SOX6: variants seen among roughly 807,000 people sequenced by gnomAD.
SOX6 encodes the protein transcription factor SOX-6.
A neutral mutation model predicts 97.8 loss-of-function variants in SOX6; 11 were observed. That is an observed-to-expected ratio of 0.11 (90% CI 0.07 to 0.19). The LOEUF (loss-of-function observed/expected upper bound fraction) is 0.19. SOX6 is among the 10% of genes least tolerant of loss of function. The probability of loss-of-function intolerance (pLI) is 1.00; values close to 1 mark genes in which losing one functional copy is unlikely to be tolerated. For missense variants in SOX6, 810 were observed against 1,039.5 expected, an observed-to-expected ratio of 0.78 and a Z score of 3.04; for synonymous variants, 360 against 371.4, an observed-to-expected ratio of 0.97 and a Z score of 0.35.
At chr11:16,584,256 A>C (rs1314751986) in intron 4 of SOX6, among the ~76,000 whole-genome samples, 1 of 152,176 alleles carries the variant, frequency 6.6e-6, no homozygotes, top group Non-Finnish European at 1.5e-5. Context: ...CACCACAAAA[A>C]AGGGAACTGG....
intron 1 of SOX6, among the ~76,000 whole-genome samples, chr11:16,445,406 G>GC (rs924032728): frequency 1.5e-4 from 23 of 152,024 alleles, no homozygotes; most frequent in African/African-American, 5.1e-4. Context: ...ACTTTAAATT[G>GC]CCCCATGATT....
intron 13 of SOX6, among the ~76,000 whole-genome samples, chr11:16,007,291 A>G (rs1854584483): frequency 6.6e-6 from 1 of 152,128 alleles, no homozygotes; most frequent in Non-Finnish European, 1.5e-5. Flanking sequence ...ATGGCAACAC[A>G]ATGATAAGTA....
intron 3 of SOX6, among the ~76,000 whole-genome samples, chr11:16,635,235 G>C (rs2133998837): frequency 6.6e-6 from 1 of 152,288 alleles, no homozygotes; most frequent in East Asian, 1.9e-4. Flanking sequence ...GAAGAAGATA[G>C]GAAAATGTGA....
chr11:16,586,658 T>C (rs550844205), intron 4 of SOX6, among the ~76,000 whole-genome samples: 1 of 151,960 alleles, frequency 6.6e-6, no homozygotes, highest in African/African-American at 2.4e-5. Flanking sequence ...AGTTCAAGAA[T>C]GCAGTGAGCT....
At chr11:16,232,370 A>G (rs923555703) in intron 4 of SOX6, among the ~76,000 whole-genome samples, 2 of 152,138 alleles carry the variant, frequency 1.3e-5, no homozygotes, top group Non-Finnish European at 2.9e-5. Context: ...GAATAAATAA[A>G]GATAAATTTA....
At chr11:16,125,219 T>A (rs1389466293) in intron 6 of SOX6, among the ~76,000 whole-genome samples, 1 of 152,056 alleles carries the variant, frequency 6.6e-6, no homozygotes, top group Non-Finnish European at 1.5e-5. Context: ...TACTGATACA[T>A]TACTGTGATT....
intron 4 of SOX6, among the ~76,000 whole-genome samples, chr11:16,532,202 C>A (rs1861246054): frequency 6.6e-6 from 1 of 151,774 alleles, no homozygotes; most frequent in Non-Finnish European, 1.5e-5. Flanking sequence ...TATACTTCCT[C>A]TTCAAATTCA....
At chr11:15,989,334 T>G in intron 13 of SOX6, 104 bp from the exon 14 acceptor site, 2 of 857,200 alleles carry the variant, frequency 2.3e-6, no homozygotes, top group Non-Finnish European at 3.5e-6. Context: ...CAGGTCCTCC[T>G]CTTCTTTTCT....
At chr11:16,450,618 G>T (rs1041980101) in intron 1 of SOX6, among the ~76,000 whole-genome samples, 7 of 152,150 alleles carry the variant, frequency 4.6e-5, no homozygotes, top group Non-Finnish European at 8.8e-5. Context: ...TTAACCATCT[G>T]CACAACTCAA....
intron 2 of SOX6, among the ~76,000 whole-genome samples, chr11:16,730,600 T>C (rs941672556): frequency 9.9e-5 from 15 of 152,052 alleles, no homozygotes; most frequent in Non-Finnish European, 7.4e-5. Flanking sequence ...AAAGCAGTGT[T>C]TAGAGGGAAA....
At chr11:16,113,387 T>G (rs1244130592) in intron 6 of SOX6, among the ~76,000 whole-genome samples, 2 of 152,230 alleles carry the variant, frequency 1.3e-5, no homozygotes, top group African/African-American at 2.4e-5. Flanking sequence ...TTCTTCCATT[T>G]TAGCTGAGGT....
intron 15 of SOX6, among the ~76,000 whole-genome samples, chr11:15,977,019 C>T (rs1351724276): frequency 6.6e-6 from 1 of 152,034 alleles, no homozygotes; most frequent in East Asian, 1.9e-4. Context: ...ATTGCCTCGT[C>T]CAACCTACTT....
Position 16,185,022 on chromosome 11 carries a change from C to T in SOX6, c.709-1068G>A, listed in dbSNP as rs1851435236. ...AAGTGAAAATGAGTGTAAATCAGTTCCAAGCTATATACTTCCCAAGCCTTT... is the reference window on the plus strand; with the variant it reads ...AAGTGAAAATGAGTGTAAATCAGTTTCAAGCTATATACTTCCCAAGCCTTT... On this transcript the variant is annotated intron_variant, in intron 5 of 15. Transcript: ENST00000683767. 2.0e-5 allele frequency among the ~76,000 whole-genome samples: 3 copies of T among 152,130 alleles called. No individual in the cohort carries two copies. In the South Asian group the frequency reaches 6.2e-4, roughly 31 times the overall value.
chr11:16,687,845 A>C (rs939371188), intron 3 of SOX6, among the ~76,000 whole-genome samples: 14 of 152,150 alleles, frequency 9.2e-5, no homozygotes, highest in Admixed American at 7.2e-4. Flanking sequence ...ATAGTGCTTT[A>C]AAGTTGTTGT....
At chr11:16,076,910 C>G (rs1465046704) in intron 9 of SOX6, among the ~76,000 whole-genome samples, 2 of 151,346 alleles carry the variant, frequency 1.3e-5, no homozygotes, top group Non-Finnish European at 2.9e-5. Context: ...CCCGCCACCG[C>G]GCCCGGCTAA....
At chr11:16,485,585 G>T (rs1249541342) in intron 4 of SOX6, among the ~76,000 whole-genome samples, 2 of 151,838 alleles carry the variant, frequency 1.3e-5, no homozygotes, top group African/African-American at 4.8e-5. Context: ...CAAAAAATAA[G>T]CTGGGCATGG....
chr11:16,429,089 G>T (rs187394324), intron 1 of SOX6, among the ~76,000 whole-genome samples: 1 of 152,184 alleles, frequency 6.6e-6, no homozygotes, highest in African/African-American at 2.4e-5. Flanking sequence ...CAACGTCACT[G>T]ATCTTTAGAG....
At chr11:16,523,183 T>G (rs1861099937) in intron 4 of SOX6, among the ~76,000 whole-genome samples, 1 of 152,122 alleles carries the variant, frequency 6.6e-6, no homozygotes, top group Admixed American at 6.5e-5. Context: ...TATACATTTT[T>G]TTTCAGCACC....
intron 3 of SOX6, among the ~76,000 whole-genome samples, chr11:16,657,165 C>T (rs896488244): frequency 1.3e-5 from 2 of 152,226 alleles, no homozygotes; most frequent in African/African-American, 4.8e-5. Flanking sequence ...ATTTTACTGT[C>T]TCCATAGTTT....
Sources: allele counts gnomAD v4.1 joint callset (sites outside exome capture counted in the v4.1 genomes callset), GRCh38; gene constraint gnomAD v4.1.1; transcripts MANE v1.5; gene names NCBI Gene and HGNC (gene_info 2026-07-23, HGNC 2026-07-21).